The following HS1BP3 variants were observed in gnomAD, a reference collection of about 807,000 sequenced individuals.
The protein encoded by HS1BP3 is HCLS1-binding protein 3.
Under a neutral mutation model 33.5 loss-of-function variants are expected in HS1BP3, and 32 were observed. That is an observed-to-expected ratio of 0.95 (90% CI 0.72 to 1.28). The LOEUF (loss-of-function observed/expected upper bound fraction) is 1.28, where lower values mean the gene tolerates loss of function less well. HS1BP3 is among the 50% of genes most tolerant of loss of function. The pLI is 0.00. For synonymous variants in HS1BP3, 187 were observed against 209.2 expected (o/e 0.89, Z 0.92); for missense variants, 486 against 502.3 (o/e 0.97, Z 0.31).
At chr2:20,602,242 G>T (rs1694087161) in intron 2 of HS1BP3, among the ~76,000 whole-genome samples, 1 of 151,584 alleles carries the variant, frequency 6.6e-6, no homozygotes, top group Admixed American at 6.6e-5. Flanking sequence ...TGGCCTCTGT[G>T]CCAGAAAGAG....
downstream of HS1BP3, among the ~76,000 whole-genome samples, chr2:20,555,857 A>G (rs1294277334): frequency 6.6e-6 from 1 of 152,108 alleles, no homozygotes; most frequent in African/African-American, 2.4e-5. Context: ...ACAGGAGAAA[A>G]TGGAATCCCA....
intron 2 of HS1BP3, among the ~76,000 whole-genome samples, chr2:20,598,879 T>C (rs1014824882): frequency 2.6e-5 from 4 of 152,318 alleles, no homozygotes; most frequent in Admixed American, 1.3e-4. Flanking sequence ...GAATATATAA[T>C]TGGGCTCTTT....
intron 6 of HS1BP3, chr2:20,622,284 A>G (rs1386241746): frequency 7.7e-7 from 1 of 1,304,744 alleles, no homozygotes; most frequent in East Asian, 5.5e-5. Context: ...GCTCTCAAGA[A>G]GCTAATCCCA....
intron 2 of HS1BP3, among the ~76,000 whole-genome samples, chr2:20,609,327 C>T (rs1355309100): frequency 6.6e-6 from 1 of 152,226 alleles, no homozygotes; most frequent in African/African-American, 2.4e-5. Context: ...CATGCACTCC[C>T]CAAGCCAAAG....
intron 2 of HS1BP3, among the ~76,000 whole-genome samples, chr2:20,601,120 T>C (rs989822145): frequency 6.6e-6 from 1 of 152,250 alleles, no homozygotes; most frequent in Non-Finnish European, 1.5e-5. Flanking sequence ...GAAAATAGTT[T>C]ATCATTAGCT....
At chr2:20,598,927 G>A (rs1354881704) in intron 2 of HS1BP3, among the ~76,000 whole-genome samples, 1 of 152,152 alleles carries the variant, frequency 6.6e-6, no homozygotes, top group Non-Finnish European at 1.5e-5. Flanking sequence ...CTTCTCCAGG[G>A]AGTACTGAGA....
intron 1 of HS1BP3, among the ~76,000 whole-genome samples, chr2:20,650,601 C>T (rs1044490164): frequency 1.3e-5 from 2 of 152,368 alleles, no homozygotes; most frequent in Admixed American, 6.5e-5. Flanking sequence ...CTCTCCGCTG[C>T]AGCCCCCTGC....
intron 2 of HS1BP3, among the ~76,000 whole-genome samples, chr2:20,642,515 G>A (rs965019951): frequency 1.3e-5 from 2 of 152,258 alleles, no homozygotes; most frequent in African/African-American, 2.4e-5. Flanking sequence ...CACAGGCTCC[G>A]ACAGCAGCTG....
intron 2 of HS1BP3, among the ~76,000 whole-genome samples, chr2:20,604,501 A>G (rs922321016): frequency 2.0e-5 from 3 of 152,194 alleles, no homozygotes; most frequent in Admixed American, 1.3e-4. Context: ...TCTCAGCCCA[A>G]TTCTCTGGAG....
At chr2:20,557,391 C>G (rs1458319166), downstream of HS1BP3, among the ~76,000 whole-genome samples, 3 of 152,162 alleles carry the variant, frequency 2.0e-5, no homozygotes, top group Non-Finnish European at 4.4e-5. Flanking sequence ...CTGGCTTGAC[C>G]CTCTATGGAG....
At chr2:20,582,882 C>G (rs1431348181) in intron 5 of HS1BP3, among the ~76,000 whole-genome samples, 1 of 152,154 alleles carries the variant, frequency 6.6e-6, no homozygotes, top group South Asian at 2.1e-4. Flanking sequence ...ACCCTTTTGG[C>G]AGGGTCAGAG....
intron 5 of HS1BP3, among the ~76,000 whole-genome samples, chr2:20,585,705 G>T (rs1693664786): frequency 6.6e-6 from 1 of 152,226 alleles, no homozygotes; most frequent in Non-Finnish European, 1.5e-5. Flanking sequence ...ACGTCCTGCA[G>T]TGATCCCAGC....
chr2:20,601,550 C>T (rs540132679), intron 2 of HS1BP3, among the ~76,000 whole-genome samples: 1 of 152,218 alleles, frequency 6.6e-6, no homozygotes, highest in Non-Finnish European at 1.5e-5. Flanking sequence ...GGGGGCGGGT[C>T]TTTCCTGTGC....
chr2:20,572,044 G>C (rs1693287304), intron 5 of HS1BP3, among the ~76,000 whole-genome samples: 1 of 152,246 alleles, frequency 6.6e-6, no homozygotes. Context: ...ACAGAGCTAA[G>C]AGCAAGGGCT....
chr2:20,602,223 A>G (rs572038573), intron 2 of HS1BP3, among the ~76,000 whole-genome samples: 1 of 151,600 alleles, frequency 6.6e-6, no homozygotes, highest in East Asian at 2.0e-4. Context: ...TGCGGGGGGA[A>G]TTTATTTCTG....
At chr2:20,584,510 A>C (rs745593440) in intron 5 of HS1BP3, among the ~76,000 whole-genome samples, 29 of 152,188 alleles carry the variant, frequency 1.9e-4, no homozygotes, top group Non-Finnish European at 2.9e-4. Context: ...CAACTGCATA[A>C]GGCTCTTCGG....
intron 5 of HS1BP3, among the ~76,000 whole-genome samples, chr2:20,569,982 C>T (rs4666312): frequency 0.91 from 138,521 of 152,282 alleles, 63,247 homozygotes; most frequent in East Asian, 1. Context: ...GCCCCCAGCC[C>T]TGCCCAGGGC....
At chr2:20,597,595 A>C (rs1289620790) in intron 3 of HS1BP3, among the ~76,000 whole-genome samples, 1 of 152,144 alleles carries the variant, frequency 6.6e-6, no homozygotes, top group Non-Finnish European at 1.5e-5. Context: ...CACATGGAGA[A>C]ACCTCCCCTC....
chr2:20,586,036 A>ACACC (rs1558323481), intron 5 of HS1BP3, among the ~76,000 whole-genome samples: 2 of 152,170 alleles, frequency 1.3e-5, no homozygotes, highest in South Asian at 4.1e-4. Context: ...GCAGTGCCAT[A>ACACC]CACCGTGGCT....
Sources: allele counts gnomAD v4.1 joint callset (sites outside exome capture counted in the v4.1 genomes callset), GRCh38; gene constraint gnomAD v4.1.1; transcripts MANE v1.5; gene names NCBI Gene and HGNC (gene_info 2026-07-23, HGNC 2026-07-21).